EED: variants seen among roughly 807,000 people sequenced by gnomAD.
The protein encoded by EED is embryonic ectoderm development.
A neutral mutation model predicts 61.0 loss-of-function variants in EED; 9 were observed. The observed-to-expected ratio is 0.15, with a 90% CI of 0.09 to 0.26. The LOEUF is 0.26. Among genes scored for constraint, EED ranks in the 10% least tolerant of loss-of-function variants. EED has a pLI of 1.00. For missense variants in EED, 315 were observed against 542.3 expected (o/e 0.58, Z 4.16); for synonymous variants, 187 against 174.4 (o/e 1.07, Z -0.57).
chr11:86,249,676 A>G (rs1369621972), intron 1 of EED, among the ~76,000 whole-genome samples: 1 of 134,860 alleles, frequency 7.4e-6, no homozygotes, highest in Non-Finnish European at 1.7e-5. Flanking sequence ...TTATTACTTT[A>G]GAACAATGAG....
downstream of EED, among the ~76,000 whole-genome samples, chr11:86,280,689 C>T (rs1946313629): frequency 6.6e-6 from 1 of 152,158 alleles, no homozygotes; most frequent in African/African-American, 2.4e-5. Flanking sequence ...ATGCTTCATA[C>T]ATGTATACAA....
chr11:86,262,549 C>G (rs1276070916), intron 6 of EED, among the ~76,000 whole-genome samples: 1 of 152,020 alleles, frequency 6.6e-6, no homozygotes, highest in African/African-American at 2.4e-5. Context: ...CACACCCTCT[C>G]CTTCCCTTTT....
chr11:86,285,820 A>T, the EED span, among the ~76,000 whole-genome samples: 2 of 151,534 alleles, frequency 1.3e-5, no homozygotes, highest in Non-Finnish European at 2.9e-5. Flanking sequence ...ATGGTCTCGA[A>T]CTCCTGACCT....
At chr11:86,286,971 C>CAAAAAAAAAAAAAAAAAAAAAAAA in the EED span, among the ~76,000 whole-genome samples, 1 of 68,328 alleles carries the variant, frequency 1.5e-5, no homozygotes, top group African/African-American at 4.8e-5. Flanking sequence ...GACTCCGTCT[C>CAAAAAAAAAAAAAAAAAAAAAAAA]AAAAAAAAAA....
At position 86,268,576 on chromosome 11, in the gene EED, G is replaced by C. The variant is rs1221799683; in HGVS notation, c.966+15G>C. The C allele has an allele frequency of 2.6e-6, 4 of 1,542,692 alleles. No individual in the cohort carries two copies. ...TACTTTCTAAGGTATGGTAACTGCA[G>C]TTAAGCTGTACTTCCATCGTGTGTG... On this transcript the variant is annotated intron_variant, in intron 9 of 11. Coordinates refer to ENST00000263360, the MANE Select transcript of EED (RefSeq NM_003797.5).
chr11:86,280,971 T>C (rs1162061633), downstream of EED, among the ~76,000 whole-genome samples: 2 of 152,244 alleles, frequency 1.3e-5, no homozygotes, highest in African/African-American at 4.8e-5. Context: ...ATCACATTTA[T>C]TAATGTGCAT....
At chr11:86,265,899 CTAAT>C (rs1945962765) in intron 7 of EED, 180 bp from the exon 8 acceptor site, 3 of 427,218 alleles carry the variant, frequency 7.0e-6, no homozygotes, top group Non-Finnish European at 1.2e-5. Flanking sequence ...TGTTGACAAA[CTAAT>C]TAAAGCTGTA....
intron 1 of EED, among the ~76,000 whole-genome samples, chr11:86,248,015 G>A (rs1350405310): frequency 6.6e-6 from 1 of 152,212 alleles, no homozygotes; most frequent in Non-Finnish European, 1.5e-5. Context: ...GGCTGAATCT[G>A]GAGACTTGTC....
intron 9 of EED, 85 bp from the exon 10 acceptor site, chr11:86,276,894 CA>C: frequency 4.8e-6 from 6 of 1,261,000 alleles, no homozygotes; most frequent in Non-Finnish European, 5.2e-6. Context: ...CTGTGAATTC[CA>C]AAACAATAGA....
At chr11:86,268,326 T>C (rs1281641079) in intron 8 of EED, 130 bp from the exon 9 acceptor site, 1 of 553,484 alleles carries the variant, frequency 1.8e-6, no homozygotes, top group Non-Finnish European at 3.1e-6. Flanking sequence ...TGGTTGGTTA[T>C]GTAGGAACAC....
chr11:86,246,661 A>G (rs1044951423), intron 1 of EED, among the ~76,000 whole-genome samples: 8 of 152,160 alleles, frequency 5.3e-5, no homozygotes, highest in Non-Finnish European at 2.9e-5. Context: ...CTCACTGTAC[A>G]TTGGGATCTA....
intron 3 of EED, 85 bp from the exon 4 acceptor site, chr11:86,255,136 GA>G: frequency 9.5e-7 from 1 of 1,052,032 alleles, no homozygotes; most frequent in Non-Finnish European, 1.4e-6. Flanking sequence ...TTTAAGATAG[GA>G]TTGCGATTAA....
chr11:86,245,368 G>T, intron 1 of EED, 25 bp downstream of exon 1: 1 of 1,567,494 alleles, frequency 6.4e-7, no homozygotes, highest in Non-Finnish European at 8.8e-7. Flanking sequence ...TGGCAGTTAC[G>T]AGACTGCGGA....
intron 6 of EED, among the ~76,000 whole-genome samples, chr11:86,262,803 C>T (rs1283477521): frequency 6.7e-6 from 1 of 148,702 alleles, no homozygotes; most frequent in Non-Finnish European, 1.5e-5. Flanking sequence ...AGCTACCACA[C>T]CTGGCCTGGC....
At chr11:86,250,538 C>A in intron 2 of EED, 90 bp downstream of exon 2, 1 of 1,318,862 alleles carries the variant, frequency 7.6e-7, no homozygotes, top group Non-Finnish European at 9.9e-7. Flanking sequence ...GATACTCTGT[C>A]AAGTTGTAAA....
chr11:86,264,096 A>G (rs964119953), intron 6 of EED, 76 bp from the exon 7 acceptor site: 33 of 1,126,050 alleles, frequency 2.9e-5, no homozygotes, highest in Admixed American at 5.3e-5. Context: ...AGACTTTAGT[A>G]GTTTTTCTTT....
At chr11:86,256,131 G>A (rs1430352416) in intron 4 of EED, among the ~76,000 whole-genome samples, 1 of 152,112 alleles carries the variant, frequency 6.6e-6, no homozygotes, top group Non-Finnish European at 1.5e-5. Flanking sequence ...AGTTATTTTG[G>A]TACTGCAACT....
chr11:86,264,567 C>T lies in EED; in HGVS notation c.726+304C>T, dbSNP rs185010162. ...TAAGTTAATGTTTGTTTTGCCATTT[C>T]GCAGTTATTAAAGAAAAAAATTAAA... On this transcript the variant is annotated intron_variant, in intron 7 of 11. Coordinates refer to ENST00000263360, the MANE Select transcript of EED (RefSeq NM_003797.5). 22 of 228,906 alleles carry T rather than the reference C, an allele frequency of 9.6e-5. No homozygotes were observed. In the East Asian group the frequency reaches 1.4e-3, roughly 15 times the overall value. The allele number at this position is 228,906 out of a possible 1,614,324, so 14.2% of individuals were successfully genotyped here. A position where few individuals can be genotyped will look rare whatever the true frequency, so the allele number is the denominator to read the frequency against.
intron 1 of EED, 25 bp downstream of exon 1, chr11:86,245,368 G>A: frequency 6.4e-7 from 1 of 1,567,494 alleles, no homozygotes; most frequent in Non-Finnish European, 8.8e-7. Context: ...TGGCAGTTAC[G>A]AGACTGCGGA....
Sources: allele counts gnomAD v4.1 joint callset (sites outside exome capture counted in the v4.1 genomes callset), GRCh38; gene constraint gnomAD v4.1.1; transcripts MANE v1.5; gene names NCBI Gene and HGNC (gene_info 2026-07-23, HGNC 2026-07-21).